The following ALPP variants were observed in gnomAD, a reference collection of about 807,000 sequenced individuals.
ALPP encodes the protein alkaline phosphatase, placental type.
In ALPP, 39 loss-of-function variants were observed where a neutral mutation model predicts 50.7. The ratio of observed to expected loss-of-function variants is 0.77; its 90% CI spans 0.60 to 1.00. The LOEUF (loss-of-function observed/expected upper bound fraction) is 1.00, where lower values mean the gene tolerates loss of function less well. Among genes scored for constraint, ALPP ranks in the 50% least tolerant of loss-of-function variants. The pLI, the probability that ALPP is intolerant of heterozygous loss-of-function variation, is 0.00. For synonymous variants in ALPP, 226 were observed against 320.3 expected, an observed-to-expected ratio of 0.71 and a Z score of 3.14; for missense variants, 550 against 746.8, an observed-to-expected ratio of 0.74 and a Z score of 3.07.
chr2:232,381,499 A>C lies in ALPP; in HGVS notation c.1312A>C (p.Ser438Arg). 1 of 1,613,164 alleles carries C rather than the reference A, an allele frequency of 6.2e-7. No homozygotes were observed. The stretch of plus-strand genomic sequence containing the variant: ...CCGGAACTGAACCCTCCAACCAGGG[A>C]GCCCCGAGTATCGGCAGCAGTCAGC... ...RPDVTESESGSPEYRQQSAVP... is the reference protein window; with the variant it reads ...RPDVTESESGRPEYRQQSAVP... The change falls in exon 11 of 11, where the codon AGC becomes CGC. Residue 438 changes from serine to arginine, a missense_variant and splice_region_variant. Physicochemically the swap from Ser to Arg is moderately radical, Grantham distance 110. Coordinates refer to ENST00000392027, the MANE Select transcript of ALPP (RefSeq NM_001632.5).
In ALPP at chr2:232,378,975, G is replaced by A; in HGVS notation, c.81G>A (p.Glu27=). 1.2e-6 allele frequency: 2 copies of A among 1,613,960 alleles called. No homozygotes were observed. The highest frequency in any genetic ancestry group is 1.7e-6 in the Non-Finnish European group (2 of 1,179,900). The change falls in exon 2 of 11, where the codon GAG becomes GAA. Residue 27 remains glutamate, a synonymous_variant. Coordinates refer to ENST00000392027, the MANE Select transcript of ALPP (RefSeq NM_001632.5). ...TTTTGCTCTCCCCCTGGCCAGTTGA[G>A]GAGGAGAACCCGGACTTCTGGAACC... ...LQLSLGIIPV[E]EENPDFWNRE... is the part of the protein sequence containing the mutation.
intron 3 of ALPP, 70 bp from the exon 4 acceptor site, chr2:232,379,443 G>A: frequency 6.2e-7 from 1 of 1,600,972 alleles, no homozygotes; most frequent in Non-Finnish European, 8.5e-7. Flanking sequence ...TGGAATCCCA[G>A]AGGACAGAGA....
Position 232,378,836 on chromosome 2 carries a change from C to T in ALPP, c.34C>T (p.Leu12=). The T allele has an allele frequency of 6.2e-7, 1 of 1,614,114 alleles. No individual in the cohort carries two copies. ...GCCCTGCATGCTGCTGCTGCTGCTG[C>T]TGCTGGGCCTGAGGCTACAGCTCTC... is the stretch of plus-strand genomic sequence containing the variant. The part of the protein sequence containing the change: ...LGPCMLLLLL[L]LGLRLQLSLG... Residue 12 remains leucine (L), a synonymous_variant, in exon 1 of 11, where the codon CTG becomes TTG. Transcript: ENST00000392027.
rs1696667918 is a variant in ALPP, at chr2:232,379,679, A to C, written c.476A>C (p.Lys159Thr). ...GTCATCTCCGTGATGAATCGGGCCAAGAAAGCAGGTGAGCTGGGGCCCGCT... is the reference window on the plus strand; with the variant it reads ...GTCATCTCCGTGATGAATCGGGCCACGAAAGCAGGTGAGCTGGGGCCCGCT... ...NEVISVMNRA[K>T]KAGKSVGVVT... is the part of the protein sequence containing the mutation. Residue 159 changes from lysine to threonine, a missense_variant, in exon 4 of 11, where the codon AAG becomes ACG. Coordinates refer to ENST00000392027, the MANE Select transcript of ALPP (RefSeq NM_001632.5). 3 of 1,613,978 alleles carry C rather than the reference A, an allele frequency of 1.9e-6. No homozygotes were observed. The highest frequency in any genetic ancestry group is 2.5e-6 in the Non-Finnish European group (3 of 1,179,986).
chr2:232,379,567 C>T lies in ALPP; in HGVS notation c.364C>T (p.Leu122=). The change falls in exon 4 of 11, where the codon CTG becomes TTG. Residue 122 remains leucine (L), a synonymous_variant. Transcript: ENST00000392027. ...CAGTGGAGCCACAGCCACGGCCTACCTGTGCGGGGTCAAGGGCAACTTCCA... is the reference window on the plus strand; with the variant it reads ...CAGTGGAGCCACAGCCACGGCCTACTTGTGCGGGGTCAAGGGCAACTTCCA... ...PDSGATATAY[L]CGVKGNFQTI... The T allele has an allele frequency of 1.2e-6, 2 of 1,614,126 alleles. No individual in the cohort carries two copies. The highest frequency in any genetic ancestry group is 1.1e-5 in the South Asian group (1 of 91,070).
In ALPP at chr2:232,378,856, G is replaced by T. The variant is rs527248696; in HGVS notation, c.54G>T (p.Gln18His). 4.3e-6 allele frequency: 7 copies of T among 1,613,972 alleles called. No individual in the cohort carries two copies. In the South Asian group the frequency reaches 7.7e-5, roughly 18 times the overall value. The change falls in exon 1 of 11, where the codon CAG (glutamine) becomes CAT (histidine). Residue 18 changes from glutamine to histidine, a missense_variant. Gln to His is a conservative substitution (Grantham distance 24, BLOSUM62 0). Around this residue, in one of 5 missense-constraint regions of ALPP, gnomAD observed 376 missense variants for 388.5 expected, o/e 0.97. Transcript: ENST00000392027. Reference sequence around the variant, plus strand: ...TGCTGCTGCTGGGCCTGAGGCTACAGCTCTCCCTGGGCATCATCCCAGGTA... The same window carrying T: ...TGCTGCTGCTGGGCCTGAGGCTACATCTCTCCCTGGGCATCATCCCAGGTA... ...LLLLLLGLRL[Q>H]LSLGIIPVEE...
chr2:232,379,253 G>C lies in ALPP; in HGVS notation c.247G>C (p.Asp83His). 6.2e-7 allele frequency: 1 copy of C among 1,614,048 alleles called. No homozygotes were observed. The highest frequency in any genetic ancestry group is 8.5e-7 in the Non-Finnish European group (1 of 1,180,014). ...AARILKGQKKDKLGPEIPLAM... is the reference protein window; with the variant it reads ...AARILKGQKKHKLGPEIPLAM... ...CAGGATCCTAAAAGGGCAGAAGAAG[G>C]ACAAACTGGGGCCTGAGATACCCCT... Residue 83 changes from aspartate to histidine, a missense_variant, in exon 3 of 11, where the codon GAC becomes CAC. Physicochemically the swap from Asp to His is moderately conservative, Grantham distance 81. Around this residue, in one of 5 missense-constraint regions of ALPP, gnomAD observed 376 missense variants for 388.5 expected, o/e 0.97. Coordinates refer to ENST00000392027, the MANE Select transcript of ALPP (RefSeq NM_001632.5).
Position 232,381,771 on chromosome 2 carries a change from G to A in ALPP, c.1584G>A (p.Leu528=). The A allele has an allele frequency of 6.3e-7, 1 of 1,585,854 alleles. No homozygotes were observed. The highest frequency in any genetic ancestry group is 1.3e-5 in the African/African-American group (1 of 74,600). ...LLPLLAGTLL[L]LETATAP is the part of the protein sequence containing the mutation. Reference sequence around the variant, plus strand: ...CTCTGCTGGCCGGGACCCTGCTGCTGCTGGAGACGGCCACTGCTCCCTGAG... The same window carrying A: ...CTCTGCTGGCCGGGACCCTGCTGCTACTGGAGACGGCCACTGCTCCCTGAG... The change falls in exon 11 of 11, where the codon CTG becomes CTA. Residue 528 remains leucine, a synonymous_variant. Coordinates refer to ENST00000392027, the MANE Select transcript of ALPP (RefSeq NM_001632.5).
Position 232,379,885 on chromosome 2 carries a change from G to A in ALPP, c.606G>A (p.Gln202=), listed in dbSNP as rs2106377983. ...CCGACGTGCCTGCCTCCGCCCGCCA[G>A]GAGGGGTGCCAGGACATCGCTACGC... The part of the protein sequence containing the change: ...SDADVPASAR[Q]EGCQDIATQL... The change falls in exon 5 of 11, where the codon CAG becomes CAA. Residue 202 remains glutamine, a synonymous_variant. Transcript: ENST00000392027. The A allele has an allele frequency of 1.2e-6, 2 of 1,613,204 alleles. No homozygotes were observed. Among genetic ancestry groups the A allele is most frequent in the Non-Finnish European group, 1.7e-6 (2 of 1,179,836 alleles).
At position 232,379,587 on chromosome 2, in the gene ALPP, C is replaced by A. The variant is rs369916240; in HGVS notation, c.384C>A (p.Asn128Lys). The change falls in exon 4 of 11, where the codon AAC becomes AAA. Residue 128 changes from asparagine to lysine, a missense_variant. Asn to Lys is a moderately conservative substitution (Grantham distance 94). Transcript: ENST00000392027. ...ATAYLCGVKG[N>K]FQTIGLSAAA... is the part of the protein sequence containing the mutation. ...CCTACCTGTGCGGGGTCAAGGGCAA[C>A]TTCCAGACCATTGGCTTGAGTGCAG... 2 of 1,614,006 alleles carry A rather than the reference C, an allele frequency of 1.2e-6. No individual in the cohort carries two copies. The highest frequency in any genetic ancestry group is 2.7e-5 in the African/African-American group (2 of 74,922).
Position 232,382,161 on chromosome 2 carries a change from G to A in ALPP, c.*366G>A, listed in dbSNP as rs1406474992. 18 of 347,784 alleles carry A rather than the reference G, an allele frequency of 5.2e-5. No homozygotes were observed. The highest frequency in any genetic ancestry group is 7.3e-5 in the Non-Finnish European group (14 of 191,394). 21.5% of individuals were successfully genotyped at this position (347,784 alleles called of 1,614,324 possible). ...CAGACCCCGCGCCCCGCTGATCTTT[G>A]CTTCAGTCCTTGAATCACCTGTGGG... On this transcript the variant is annotated 3_prime_UTR_variant, in exon 11 of 11. Transcript: ENST00000392027.
chr2:232,381,879 C>T lies in ALPP; in HGVS notation c.*84C>T. ...CTGTCGTCCTGCCTGGCCTCCAGCC[C>T]GAGTCGTCATCCCCGGAGTCCCTAT... On this transcript the variant is annotated 3_prime_UTR_variant, in exon 11 of 11. Coordinates refer to ENST00000392027, the MANE Select transcript of ALPP (RefSeq NM_001632.5). 2.7e-6 allele frequency: 4 copies of T among 1,487,870 alleles called. No homozygotes were observed. The highest frequency in any genetic ancestry group is 3.6e-6 in the Non-Finnish European group (4 of 1,124,198). 92.2% of individuals were successfully genotyped at this position (1,487,870 alleles called of 1,614,324 possible).
chr2:232,380,540 G>T, intron 7 of ALPP, 48 bp downstream of exon 7: 2 of 1,613,906 alleles, frequency 1.2e-6, no homozygotes, highest in Non-Finnish European at 1.7e-6. Flanking sequence ...GCCTCAGATG[G>T]CACCTTCTGA....
At position 232,379,909 on chromosome 2, in the gene ALPP, G is replaced by A. The variant is rs145336626; in HGVS notation, c.630G>A (p.Thr210=). The change falls in exon 5 of 11, where the codon ACG becomes ACA. Residue 210 remains threonine (T), a synonymous_variant. Coordinates refer to ENST00000392027, the MANE Select transcript of ALPP (RefSeq NM_001632.5). The part of the protein sequence containing the change: ...ARQEGCQDIA[T]QLISNMDIDV... ...AGGAGGGGTGCCAGGACATCGCTAC[G>A]CAGCTCATCTCCAACATGGACATTG... is the stretch of plus-strand genomic sequence containing the variant. The A allele has an allele frequency of 2.6e-5, 42 of 1,611,752 alleles. No individual in the cohort carries two copies. The highest frequency in any genetic ancestry group is 1.6e-4 in the African/African-American group (12 of 74,916).
chr2:232,379,795 A>G lies in ALPP; in HGVS notation c.516A>G (p.Arg172=), dbSNP rs1048984. ...GKSVGVVTTT[R]VQHASPAGTY... Reference sequence around the variant, plus strand: ...CAGTGGGAGTGGTAACCACCACACGAGTGCAGCACGCCTCGCCAGCCGGCA... The same window carrying G: ...CAGTGGGAGTGGTAACCACCACACGGGTGCAGCACGCCTCGCCAGCCGGCA... Residue 172 remains arginine, a synonymous_variant, in exon 5 of 11, where the codon CGA becomes CGG. Transcript: ENST00000392027. 3.8e-4 allele frequency: 606 copies of G among 1,613,740 alleles called. 5 individuals carry two copies. In the East Asian group the frequency reaches 9.9e-3, roughly 26 times the overall value.
intron 5 of ALPP, 89 bp from the exon 6 acceptor site, chr2:232,380,097 T>C: frequency 6.2e-7 from 1 of 1,602,544 alleles, no homozygotes; most frequent in Non-Finnish European, 8.5e-7. Context: ...TCCCACAGCC[T>C]TGGGGAGGGG....
rs759814890 is a variant in ALPP, at chr2:232,381,694, G to A, written c.1507G>A (p.Gly503Ser). Residue 503 changes from glycine to serine, a missense_variant, in exon 11 of 11, where the codon GGC (glycine) becomes AGC (serine). Around this residue, in one of 5 missense-constraint regions of ALPP, gnomAD observed 155 missense variants for 167.6 expected, o/e 0.92. Coordinates refer to ENST00000392027, the MANE Select transcript of ALPP (RefSeq NM_001632.5). ...CGCCTGCGACCTGGCGCCCCCCGCC[G>A]GCACCACCGACGCCGCGCACCCGGG... ...YTACDLAPPA[G>S]TTDAAHPGRS... 6.2e-7 allele frequency: 1 copy of A among 1,608,588 alleles called. No individual in the cohort carries two copies. The highest frequency in any genetic ancestry group is 1.1e-5 in the South Asian group (1 of 90,618).
rs372776439 is a variant in ALPP, at chr2:232,379,695, G to A, written c.484+8G>A. The A allele has an allele frequency of 2.4e-5, 38 of 1,613,938 alleles. No individual in the cohort carries two copies. Among genetic ancestry groups the A allele is most frequent in the Non-Finnish European group, 3.1e-5 (37 of 1,179,966 alleles). On this transcript the variant is annotated splice_region_variant and intron_variant, in intron 4 of 10. Transcript: ENST00000392027. ...ATCGGGCCAAGAAAGCAGGTGAGCTGGGGCCCGCTGCTGGGTCACGGCCAG... is the reference window on the plus strand; with the variant it reads ...ATCGGGCCAAGAAAGCAGGTGAGCTAGGGCCCGCTGCTGGGTCACGGCCAG...
In ALPP at chr2:232,379,328, C is replaced by G. The variant is rs142439881; in HGVS notation, c.309+13C>G. ...GGCTCTGTCCAAGGTAAGTGCTGGG[C>G]TACCTTAGAGTCCTCCAAGCACAGA... On this transcript the variant is annotated intron_variant, in intron 3 of 10. Coordinates refer to ENST00000392027, the MANE Select transcript of ALPP (RefSeq NM_001632.5). 24,953 of 1,613,412 alleles carry G rather than the reference C, an allele frequency of 0.015. 281 individuals carry two copies. Among genetic ancestry groups the G allele is most frequent in the Non-Finnish European group, 0.017 (19,855 of 1,179,580 alleles).
Sources: gnomAD v4.1 joint callset for allele counts on GRCh38, gnomAD v4.1.1 for gene constraint, gnomAD v4.1.1 regional missense constraint, MANE v1.5 for transcripts, NCBI Gene and HGNC (gene_info 2026-07-23, HGNC 2026-07-21) for gene names.